The following GPR22 variants were observed in gnomAD, a reference collection of about 807,000 sequenced individuals.
The protein encoded by GPR22 is G-protein coupled receptor 22.
A neutral mutation model predicts 31.0 loss-of-function variants in GPR22; 13 were observed. The ratio of observed to expected loss-of-function variants is 0.42; its 90% CI spans 0.27 to 0.67. GPR22 has a LOEUF of 0.67. Among genes scored for constraint, GPR22 ranks in the 30% least tolerant of loss-of-function variants. The pLI is 0.25. For synonymous variants in GPR22, 191 were observed against 173.4 expected, an observed-to-expected ratio of 1.10 and a Z score of -0.80; for missense variants, 368 against 509.6, an observed-to-expected ratio of 0.72 and a Z score of 2.67.
At position 107,471,486 on chromosome 7, in the gene GPR22, T is replaced by G. The variant is rs2129108848; in HGVS notation, c.-843T>G. On this transcript the variant is annotated 5_prime_UTR_variant, in exon 2 of 3. An upstream open reading frame in the 5' UTR loses its in-frame stop. Transcript: ENST00000304402. The stretch of plus-strand genomic sequence containing the variant: ...GCAAGATGTTCTTGTAACACGACTT[T>G]AAGACATTAAGGAGTTAAAACCAGG... 6.6e-6 allele frequency: 1 copy of G among 152,160 alleles called. No homozygotes were observed. The highest frequency in any genetic ancestry group is 1.9e-4 in the East Asian group (1 of 5,188). 9.4% of individuals were successfully genotyped at this position (152,160 alleles called of 1,614,324 possible).
At chr7:107,473,884 T>G (rs1185596980) in intron 2 of GPR22, among the ~76,000 whole-genome samples, 151 bp from the exon 3 acceptor site, 3 of 152,018 alleles carry the variant, frequency 2.0e-5, no homozygotes, top group Non-Finnish European at 2.9e-5. Flanking sequence ...GCAAACTTGA[T>G]GGTTCTTAAT....
Position 107,475,076 on chromosome 7 carries a change from T to C in GPR22, c.1016T>C (p.Leu339Ser). ...ISVLNTTILC[L>S]GPSDLLVKLR... is the part of the protein sequence containing the mutation. ...GTTTTAAATACCACCATTTTATGTT[T>C]AGGCCCAAGTGACCTTTTAGTAAAA... The change falls in exon 3 of 3, where the codon TTA (leucine) becomes TCA (serine). Residue 339 changes from leucine to serine, a missense_variant. Physicochemically the swap from Leu to Ser is moderately radical, Grantham distance 145 (BLOSUM62 -2). Coordinates refer to ENST00000304402, the MANE Select transcript of GPR22 (RefSeq NM_005295.3). 1 of 1,613,148 alleles carries C rather than the reference T, an allele frequency of 6.2e-7. No homozygotes were observed. The highest frequency in any genetic ancestry group is 8.5e-7 in the Non-Finnish European group (1 of 1,179,384).
At chr7:107,472,830 A>G (rs1796718707) in intron 2 of GPR22, 1 of 151,932 alleles carries the variant, frequency 6.6e-6, no homozygotes. Context: ...TTTATGTTGA[A>G]TATGATTTTG....
chr7:107,474,931 A>G lies in GPR22; in HGVS notation c.871A>G (p.Ile291Val). ...TGGTGTAAGAACTTCAGTTTCTGTA[A>G]TAATTGCCCTCCGGCGAGCTGTGAA... Reference protein sequence around the residue: ...VFGVRTSVSVIIALRRAVKRH... With the variant: ...VFGVRTSVSVVIALRRAVKRH... Residue 291 changes from isoleucine to valine, a missense_variant, in exon 3 of 3, where the codon ATA becomes GTA. By Grantham distance (29) the Ile-to-Val change is conservative (BLOSUM62 3). Transcript: ENST00000304402. The surrounding 1 kb of genome is among the most constrained non-coding windows in gnomAD (Gnocchi z 5.7). 3 of 1,613,010 alleles carry G rather than the reference A, an allele frequency of 1.9e-6. No homozygotes were observed. The highest frequency in any genetic ancestry group is 1.1e-5 in the South Asian group (1 of 90,968).
chr7:107,473,029 TA>T (rs1377320066), intron 2 of GPR22: 2 of 151,864 alleles, frequency 1.3e-5, no homozygotes, highest in Non-Finnish European at 2.9e-5. Context: ...TATTTTTTTT[TA>T]ATTTTTCTTC....
In GPR22 at chr7:107,474,999, G is replaced by A; in HGVS notation, c.939G>A (p.Arg313=). ...GAGAAAGACAAAAGAGAGTCTTCAG[G>A]ATGTCTTTATTGATTATTTCTACAT... The part of the protein sequence containing the change: ...ERRERQKRVF[R]MSLLIISTFL... Residue 313 remains arginine (R), a synonymous_variant, in exon 3 of 3, where the codon AGG becomes AGA. Coordinates refer to ENST00000304402, the MANE Select transcript of GPR22 (RefSeq NM_005295.3). The surrounding 1 kb of genome is among the most constrained non-coding windows in gnomAD (Gnocchi z 5.7). 1 of 1,612,476 alleles carries A rather than the reference G, an allele frequency of 6.2e-7. No individual in the cohort carries two copies.
At chr7:107,477,077 G>A (rs545693348), downstream of GPR22, among the ~76,000 whole-genome samples, 1 of 151,746 alleles carries the variant, frequency 6.6e-6, no homozygotes, top group Non-Finnish European at 1.5e-5. Flanking sequence ...TGTAGCATAA[G>A]CAAGTAAGAT....
rs1446454467 is a variant in GPR22, at chr7:107,475,003, T to C, written c.943T>C (p.Ser315Pro). 6.2e-7 allele frequency: 1 copy of C among 1,612,864 alleles called. No individual in the cohort carries two copies. Among genetic ancestry groups the C allele is most frequent in the Non-Finnish European group, 8.5e-7 (1 of 1,179,282 alleles). Residue 315 changes from serine (S) to proline (P), a missense_variant, in exon 3 of 3, where the codon TCT (serine) becomes CCT (proline). Ser to Pro is a moderately conservative substitution (Grantham distance 74). Transcript: ENST00000304402. ...AAGACAAAAGAGAGTCTTCAGGATG[T>C]CTTTATTGATTATTTCTACATTTCT... is the stretch of plus-strand genomic sequence containing the variant. Reference protein sequence around the residue: ...RERQKRVFRMSLLIISTFLLC... With the variant: ...RERQKRVFRMPLLIISTFLLC...
rs1365542248 is a variant in GPR22, at chr7:107,474,606, C to T, written c.546C>T (p.Phe182=). Reference sequence around the variant, plus strand: ...TTCCTTTTATTGAGGTAAATTTTTTCAGTCTTCAAAGTGGAAATACCTGGG... The same window carrying T: ...TTCCTTTTATTGAGGTAAATTTTTTTAGTCTTCAAAGTGGAAATACCTGGG... ...FLIPFIEVNF[F]SLQSGNTWEN... is the part of the protein sequence containing the mutation. Residue 182 remains phenylalanine (F), a synonymous_variant, in exon 3 of 3, where the codon TTC becomes TTT. Transcript: ENST00000304402. The surrounding 1 kb of genome is among the most constrained non-coding windows in gnomAD (Gnocchi z 5.7). 6.2e-7 allele frequency: 1 copy of T among 1,609,690 alleles called. No homozygotes were observed. The highest frequency in any genetic ancestry group is 8.5e-7 in the Non-Finnish European group (1 of 1,178,150).
Position 107,474,640 on chromosome 7 carries a change from A to G in GPR22, c.580A>G (p.Thr194Ala). 6.2e-7 allele frequency: 1 copy of G among 1,610,624 alleles called. No homozygotes were observed. Among genetic ancestry groups the G allele is most frequent in the Non-Finnish European group, 8.5e-7 (1 of 1,177,438 alleles). ...LQSGNTWENK[T>A]LLCVSTNEYY... is the part of the protein sequence containing the mutation. The stretch of plus-strand genomic sequence containing the variant: ...AAGTGGAAATACCTGGGAAAACAAG[A>G]CACTTTTATGTGTCAGTACAAATGA... Residue 194 changes from threonine (T) to alanine (A), a missense_variant, in exon 3 of 3, where the codon ACA becomes GCA. By Grantham distance (58) the Thr-to-Ala change is moderately conservative. Coordinates refer to ENST00000304402, the MANE Select transcript of GPR22 (RefSeq NM_005295.3). The surrounding 1 kb of genome is among the most constrained non-coding windows in gnomAD (Gnocchi z 5.7).
chr7:107,474,264 G>C lies in GPR22; in HGVS notation c.204G>C (p.Met68Ile). The C allele has an allele frequency of 1.9e-6, 3 of 1,612,456 alleles. No individual in the cohort carries two copies. The highest frequency in any genetic ancestry group is 2.5e-6 in the Non-Finnish European group (3 of 1,178,776). ...SNLTVLVLYCMKSNLINSVSN... is the reference protein window; with the variant it reads ...SNLTVLVLYCIKSNLINSVSN... ...TCACTGTATTGGTACTTTACTGCATGAAATCCAACTTAATCAACTCTGTCA... is the reference window on the plus strand; with the variant it reads ...TCACTGTATTGGTACTTTACTGCATCAAATCCAACTTAATCAACTCTGTCA... The change falls in exon 3 of 3, where the codon ATG (methionine) becomes ATC (isoleucine). Residue 68 changes from methionine (M) to isoleucine (I), a missense_variant. Physicochemically the swap from Met to Ile is conservative, Grantham distance 10. Coordinates refer to ENST00000304402, the MANE Select transcript of GPR22 (RefSeq NM_005295.3). This position sits in a 1 kb window ranked among gnomAD's most constrained non-coding sequence, Gnocchi z 5.7.
rs369044847 is a variant in GPR22, at chr7:107,474,781, C to A, written c.721C>A (p.Arg241=). ...YTKILQALNI[R]IGTRFSTGQK... The stretch of plus-strand genomic sequence containing the variant: ...CAAAATACTTCAGGCTCTTAATATT[C>A]GAATAGGCACAAGATTTTCAACAGG... The change falls in exon 3 of 3, where the codon CGA becomes AGA. Residue 241 remains arginine, a synonymous_variant. Transcript: ENST00000304402. The surrounding 1 kb of genome is among the most constrained non-coding windows in gnomAD (Gnocchi z 5.7). 1.4e-5 allele frequency: 23 copies of A among 1,610,790 alleles called. No homozygotes were observed. The highest frequency in any genetic ancestry group is 6.7e-5 in the African/African-American group (5 of 74,668).
Position 107,474,964 on chromosome 7 carries a change from C to G in GPR22, c.904C>G (p.Arg302Gly). ...CCTCCGGCGAGCTGTGAAACGACAC[C>G]GTGAACGACGAGAAAGACAAAAGAG... ...IALRRAVKRH[R>G]ERRERQKRVF... The change falls in exon 3 of 3, where the codon CGT (arginine) becomes GGT (glycine). Residue 302 changes from arginine (R) to glycine (G), a missense_variant. By Grantham distance (125) the Arg-to-Gly change is moderately radical. Coordinates refer to ENST00000304402, the MANE Select transcript of GPR22 (RefSeq NM_005295.3). This position sits in a 1 kb window ranked among gnomAD's most constrained non-coding sequence, Gnocchi z 5.7. The G allele has an allele frequency of 6.2e-7, 1 of 1,612,152 alleles. No homozygotes were observed. Among genetic ancestry groups the G allele is most frequent in the Non-Finnish European group, 8.5e-7 (1 of 1,179,130 alleles).
At position 107,474,468 on chromosome 7, in the gene GPR22, C is replaced by A; in HGVS notation, c.408C>A (p.Ile136=). 1 of 1,613,390 alleles carries A rather than the reference C, an allele frequency of 6.2e-7. No individual in the cohort carries two copies. Among genetic ancestry groups the A allele is most frequent in the South Asian group, 1.1e-5 (1 of 91,074 alleles). The change falls in exon 3 of 3, where the codon ATC becomes ATA. Residue 136 remains isoleucine, a synonymous_variant. Coordinates refer to ENST00000304402, the MANE Select transcript of GPR22 (RefSeq NM_005295.3). This position sits in a 1 kb window ranked among gnomAD's most constrained non-coding sequence, Gnocchi z 5.7. ...SVSTAINVFA[I]TLDRYDISVK... ...CAACAGCAATCAACGTTTTTGCTATCACTTTGGACAGATATGACATCTCTG... is the reference window on the plus strand; with the variant it reads ...CAACAGCAATCAACGTTTTTGCTATAACTTTGGACAGATATGACATCTCTG...
rs759495387 is a variant in GPR22, at chr7:107,475,369, G to A, written c.*7G>A. ...TCAGGTTGTCACAGACTAGAGAAAA[G>A]TCTCAGTTTCACCAAATCCACATTC... On this transcript the variant is annotated 3_prime_UTR_variant, in exon 3 of 3. Coordinates refer to ENST00000304402, the MANE Select transcript of GPR22 (RefSeq NM_005295.3). The A allele has an allele frequency of 2.3e-6, 3 of 1,328,940 alleles. No homozygotes were observed. The African/African-American group carries it at 4.5e-5, about 20-fold the overall frequency. The allele number at this position is 1,328,940 out of a possible 1,614,324, so 82.3% of individuals were successfully genotyped here.
At chr7:107,472,870 A>C (rs1366773347) in intron 2 of GPR22, 1 of 151,962 alleles carries the variant, frequency 6.6e-6, no homozygotes, top group Non-Finnish European at 1.5e-5. Context: ...GAAATGTGAA[A>C]TATAGTTGGT....
In GPR22 at chr7:107,471,990, T is replaced by A. The variant is rs1280908706; in HGVS notation, c.-339T>A. ...ACTGCTATTAAAAACAGATTTACAA[T>A]GGTAACAAAAGGATGTCTAAATATA... On this transcript the variant is annotated 5_prime_UTR_variant, in exon 2 of 3. The change abolishes an upstream ATG in the 5' untranslated region. Coordinates refer to ENST00000304402, the MANE Select transcript of GPR22 (RefSeq NM_005295.3). 1 of 152,006 alleles carries A rather than the reference T, an allele frequency of 6.6e-6. No homozygotes were observed. The highest frequency in any genetic ancestry group is 1.5e-5 in the Non-Finnish European group (1 of 67,914). The allele number at this position is 152,006 out of a possible 1,614,324, so 9.4% of individuals were successfully genotyped here. A position where few individuals can be genotyped will look rare whatever the true frequency, so the allele number is the denominator to read the frequency against.
chr7:107,477,806 A>AT (rs1469416981), downstream of GPR22, among the ~76,000 whole-genome samples: 1 of 151,910 alleles, frequency 6.6e-6, no homozygotes, highest in Non-Finnish European at 1.5e-5. Context: ...AAGCTTAGAC[A>AT]ACTTTTTGTA....
In GPR22 at chr7:107,472,157, C is replaced by T. The variant is rs1796673096; in HGVS notation, c.-172C>T. 6.6e-6 allele frequency: 1 copy of T among 151,916 alleles called. No individual in the cohort carries two copies. Among genetic ancestry groups the T allele is most frequent in the African/African-American group, 2.4e-5 (1 of 41,416 alleles). The allele number at this position is 151,916 out of a possible 1,614,324, so 9.4% of individuals were successfully genotyped here. A position where few individuals can be genotyped will look rare whatever the true frequency, so the allele number is the denominator to read the frequency against. On this transcript the variant is annotated 5_prime_UTR_variant, in exon 2 of 3. Coordinates refer to ENST00000304402, the MANE Select transcript of GPR22 (RefSeq NM_005295.3). ...TCCTCTTGGCCGTGACTTTTTAAAG[C>T]AAAACAAATACAAATATTATGTACT...
Sources: allele counts gnomAD v4.1 joint callset (sites outside exome capture counted in the v4.1 genomes callset), GRCh38; gene constraint gnomAD v4.1.1; non-coding constraint Gnocchi (gnomAD v3.1); transcripts MANE v1.5; gene names NCBI Gene and HGNC (gene_info 2026-07-23, HGNC 2026-07-21).